Variants in ZPLD1 observed in about 807,000 individuals in gnomAD.
ZPLD1 encodes the protein zona pellucida like domain containing 1.
Under a neutral mutation model 47.2 loss-of-function variants are expected in ZPLD1, and 34 were observed. The ratio of observed to expected loss-of-function variants is 0.72; its 90% CI spans 0.55 to 0.96. The LOEUF (loss-of-function observed/expected upper bound fraction) is 0.96. Among genes scored for constraint, ZPLD1 ranks in the 40% least tolerant of loss-of-function variants. The pLI, the probability that ZPLD1 is intolerant of heterozygous loss-of-function variation, is 0.00. For synonymous variants in ZPLD1, 176 were observed against 186.2 expected (o/e 0.95, Z 0.45); for missense variants, 512 against 505.8 (o/e 1.01, Z -0.12).
At position 102,427,086 on chromosome 3, in the gene ZPLD1, C is replaced by T. The variant is rs536793246; in HGVS notation, c.-9+8879C>T. ...ATAAATAATTTTAAAAAATCATGAA[C>T]GTTAACGAGAACAGGGGTGAAAATG... On this transcript the variant is annotated intron_variant, in intron 8 of 17. Coordinates refer to the ZPLD1 transcript ENST00000491959. Among the ~76,000 whole-genome samples, 7 of 152,076 alleles carry T rather than the reference C, an allele frequency of 4.6e-5. No individual in the cohort carries two copies. In the East Asian group the frequency reaches 9.7e-4, roughly 21 times the overall value.
chr3:102,438,525 G>A lies in ZPLD1; in HGVS notation c.38G>A (p.Arg13Lys). 6.2e-7 allele frequency: 1 copy of A among 1,613,970 alleles called. No homozygotes were observed. The highest frequency in any genetic ancestry group is 8.5e-7 in the Non-Finnish European group (1 of 1,179,868). The change falls in exon 3 of 12, where the codon AGA becomes AAA. Residue 13 changes from arginine (R) to lysine (K), a missense_variant. Coordinates refer to ENST00000466937, the MANE Select transcript of ZPLD1 (RefSeq NM_001329788.2). ...QIWLLLLLTI[R>K]VLPGSAQFNG... is the part of the protein sequence containing the mutation. Reference sequence around the variant, plus strand: ...TGGTTGCTGCTGCTTCTAACAATTAGAGTGCTTCCGGGGTCTGCTCAGTTC... The same window carrying A: ...TGGTTGCTGCTGCTTCTAACAATTAAAGTGCTTCCGGGGTCTGCTCAGTTC...
At chr3:102,417,422 A>T (rs1706822169) in intron 7 of ZPLD1, among the ~76,000 whole-genome samples, 1 of 151,924 alleles carries the variant, frequency 6.6e-6, no homozygotes, top group Admixed American at 6.6e-5. Context: ...GAATCATAAT[A>T]GCTTATGGAG....
At chr3:102,388,754 C>T (rs1426733518) in intron 6 of ZPLD1, among the ~76,000 whole-genome samples, 3 of 152,126 alleles carry the variant, frequency 2.0e-5, no homozygotes, top group African/African-American at 7.2e-5. Context: ...AGCAATTGGG[C>T]AGGCATGTGA....
intron 7 of ZPLD1, among the ~76,000 whole-genome samples, chr3:102,409,205 C>A (rs1706724213): frequency 6.6e-6 from 1 of 151,632 alleles, no homozygotes; most frequent in South Asian, 2.1e-4. Flanking sequence ...AGAGCAGGTG[C>A]AAGAGACAGA....
chr3:102,470,569 A>G (rs1707667559), intron 10 of ZPLD1, 67 bp downstream of exon 10: 1 of 1,303,060 alleles, frequency 7.7e-7, no homozygotes, highest in Admixed American at 1.9e-5. Flanking sequence ...CTTGGCTTCT[A>G]ACGAGAACTC....
chr3:102,428,529 G>A (rs1359761920), intron 8 of ZPLD1, among the ~76,000 whole-genome samples: 1 of 151,794 alleles, frequency 6.6e-6, no homozygotes, highest in African/African-American at 2.4e-5. Context: ...TTTGAAAAAT[G>A]TTTCATCTTA....
chr3:102,424,039 C>T (rs147418570), intron 8 of ZPLD1, among the ~76,000 whole-genome samples: 279 of 152,234 alleles, frequency 1.8e-3, no homozygotes, highest in South Asian at 8.1e-3. Flanking sequence ...CCAAAGATGT[C>T]AGTCTTAATC....
chr3:102,400,737 C>T (rs1706610600), intron 7 of ZPLD1, among the ~76,000 whole-genome samples: 1 of 151,936 alleles, frequency 6.6e-6, no homozygotes, highest in African/African-American at 2.4e-5. Context: ...GATATTGTCC[C>T]ACACTTCTTC....
chr3:102,462,484 TATC>T, intron 7 of ZPLD1, 106 bp downstream of exon 7: 1 of 675,778 alleles, frequency 1.5e-6, no homozygotes, highest in Admixed American at 3.1e-5. Context: ...TTGAAAATAT[TATC>T]ATTGCCACAC....
intron 10 of ZPLD1, among the ~76,000 whole-genome samples, chr3:102,473,748 C>T (rs1707718320): frequency 1.3e-5 from 2 of 152,146 alleles, no homozygotes; most frequent in South Asian, 2.1e-4. Flanking sequence ...ACACAGAACT[C>T]AGAACTCAAG....
intron 3 of ZPLD1, among the ~76,000 whole-genome samples, chr3:102,445,050 C>A (rs192738201): frequency 1.3e-5 from 2 of 152,312 alleles, no homozygotes; most frequent in Non-Finnish European, 2.9e-5. Context: ...ACAGGCACCA[C>A]CACTGCCAGA....
intron 6 of ZPLD1, among the ~76,000 whole-genome samples, chr3:102,459,887 T>G (rs569306692): frequency 6.6e-6 from 1 of 152,258 alleles, no homozygotes; most frequent in South Asian, 2.1e-4. Flanking sequence ...TATGTTTAGG[T>G]TACTCTTCCT....
intron 7 of ZPLD1, chr3:102,417,993 C>G (rs1454763253): frequency 1.3e-5 from 2 of 152,156 alleles, no homozygotes; most frequent in African/African-American, 4.8e-5. Context: ...TTTTGTAAAA[C>G]CTTGTGAGAC....
At chr3:102,409,732 A>T (rs1433964134) in intron 7 of ZPLD1, among the ~76,000 whole-genome samples, 3 of 151,710 alleles carry the variant, frequency 2.0e-5, no homozygotes, top group Non-Finnish European at 4.4e-5. Context: ...TTGCTGAAAC[A>T]GTGATTAAAA....
intron 1 of ZPLD1, among the ~76,000 whole-genome samples, chr3:102,436,581 T>A (rs1296711767): frequency 1.3e-5 from 2 of 152,212 alleles, no homozygotes; most frequent in Non-Finnish European, 2.9e-5. Context: ...GACTTAGGGT[T>A]GAATTCTAGT....
rs748302050 is a variant in ZPLD1, at chr3:102,462,381, A to G, written c.680+3A>G. On this transcript the variant is annotated splice_donor_region_variant and intron_variant, in intron 7 of 11. Coordinates refer to ENST00000466937, the MANE Select transcript of ZPLD1 (RefSeq NM_001329788.2). ...CAAGCCACTAATTTGGATGGCAGGT[A>G]ATTTCAAACTCTTGTCTTTTTTAGG... is the stretch of plus-strand genomic sequence containing the variant. 1.9e-6 allele frequency: 3 copies of G among 1,600,576 alleles called. No individual in the cohort carries two copies. The highest frequency in any genetic ancestry group is 1.3e-5 in the African/African-American group (1 of 74,430).
intron 2 of ZPLD1, among the ~76,000 whole-genome samples, chr3:102,437,509 A>G (rs184611718): frequency 9.2e-5 from 14 of 152,350 alleles, no homozygotes; most frequent in Admixed American, 5.2e-4. Flanking sequence ...AAATTATTTG[A>G]GTAAACCACT....
At chr3:102,456,569 C>T (rs1231856085) in intron 5 of ZPLD1, among the ~76,000 whole-genome samples, 195 bp downstream of exon 5, 1 of 151,690 alleles carries the variant, frequency 6.6e-6, no homozygotes, top group Non-Finnish European at 1.5e-5. Flanking sequence ...ATCTATCTAT[C>T]TATCTATCTA....
chr3:102,430,520 A>G (rs967327051), upstream of ZPLD1, among the ~76,000 whole-genome samples: 1 of 152,212 alleles, frequency 6.6e-6, no homozygotes, highest in African/African-American at 2.4e-5. Context: ...CTTGAGTCCA[A>G]TGCTTAGAAA....
Sources: allele counts gnomAD v4.1 joint callset (sites outside exome capture counted in the v4.1 genomes callset), GRCh38; gene constraint gnomAD v4.1.1; transcripts MANE v1.5; gene names NCBI Gene and HGNC (gene_info 2026-07-23, HGNC 2026-07-21).